Variants in KCND2 observed in about 807,000 individuals in gnomAD.
The protein encoded by KCND2 is potassium voltage-gated channel subfamily D member 2.
A neutral mutation model predicts 54.4 loss-of-function variants in KCND2; 16 were observed. That is an observed-to-expected ratio of 0.29 (90% confidence interval 0.20 to 0.45). KCND2 has a LOEUF of 0.45. Among genes scored for constraint, KCND2 ranks in the 20% least tolerant of loss-of-function variants. The probability of loss-of-function intolerance (pLI) is 1.00; values close to 1 mark genes in which losing one functional copy is unlikely to be tolerated. For missense variants in KCND2, 486 were observed against 824.2 expected (o/e 0.59, Z 5.02); for synonymous variants, 317 against 310.7 (o/e 1.02, Z -0.21).
intron 1 of KCND2, among the ~76,000 whole-genome samples, chr7:120,732,002 T>C (rs1013646081): frequency 1.3e-5 from 2 of 152,106 alleles, no homozygotes; most frequent in African/African-American, 4.8e-5. Flanking sequence ...CTCTTAGGCA[T>C]CCAGGGGTAG....
intron 1 of KCND2, among the ~76,000 whole-genome samples, chr7:120,356,343 G>C (rs186996590): frequency 8.5e-5 from 13 of 152,140 alleles, no homozygotes; most frequent in Admixed American, 6.6e-4. Context: ...GTAAACTATA[G>C]TTACACTGCT....
At chr7:120,427,125 G>A (rs552845719) in intron 1 of KCND2, among the ~76,000 whole-genome samples, 4 of 152,232 alleles carry the variant, frequency 2.6e-5, no homozygotes, top group East Asian at 3.9e-4. Context: ...AGTGTTTCTC[G>A]TTGTCTTCCT....
chr7:120,409,358 T>G (rs1801414041), intron 1 of KCND2, among the ~76,000 whole-genome samples: 1 of 151,986 alleles, frequency 6.6e-6, no homozygotes, highest in South Asian at 2.1e-4. Context: ...ATACTATGGC[T>G]CTATGAACAT....
At chr7:120,655,360 G>A (rs761040272) in intron 1 of KCND2, among the ~76,000 whole-genome samples, 5 of 152,124 alleles carry the variant, frequency 3.3e-5, no homozygotes, top group Non-Finnish European at 5.9e-5. Flanking sequence ...CCCTTGGGAT[G>A]CCAGCAGTAA....
At chr7:120,291,058 G>A (rs1799428711) in intron 1 of KCND2, among the ~76,000 whole-genome samples, 1 of 151,926 alleles carries the variant, frequency 6.6e-6, no homozygotes, top group Non-Finnish European at 1.5e-5. Flanking sequence ...TGCTATGAAT[G>A]GATTTGAAAG....
intron 1 of KCND2, among the ~76,000 whole-genome samples, chr7:120,337,754 A>G (rs983835437): frequency 5.9e-5 from 9 of 152,216 alleles, no homozygotes; most frequent in African/African-American, 1.7e-4. Flanking sequence ...ATAACTGATT[A>G]TTCGTTTACA....
intron 1 of KCND2, among the ~76,000 whole-genome samples, chr7:120,633,552 A>G (rs1276035546): frequency 6.6e-6 from 1 of 152,218 alleles, no homozygotes; most frequent in Non-Finnish European, 1.5e-5. Flanking sequence ...AGCCAAATTT[A>G]ATCACATATT....
chr7:120,604,367 C>A (rs1385608277), intron 1 of KCND2, among the ~76,000 whole-genome samples: 1 of 148,692 alleles, frequency 6.7e-6, no homozygotes, highest in Non-Finnish European at 1.5e-5. Flanking sequence ...AAGGAAGTAG[C>A]TGGGCAAGTA....
At chr7:120,541,145 A>T (rs1791975130) in intron 1 of KCND2, among the ~76,000 whole-genome samples, 2 of 152,188 alleles carry the variant, frequency 1.3e-5, no homozygotes, top group African/African-American at 4.8e-5. Flanking sequence ...AGTCCCTGTT[A>T]TTAGATTCAA....
chr7:120,379,022 G>A (rs1446347119), intron 1 of KCND2, among the ~76,000 whole-genome samples: 2 of 152,000 alleles, frequency 1.3e-5, no homozygotes, highest in South Asian at 2.1e-4. Context: ...GTTATTTAAA[G>A]GCAGACAGAT....
chr7:120,702,888 G>A (rs560479718), intron 1 of KCND2, among the ~76,000 whole-genome samples: 1 of 152,092 alleles, frequency 6.6e-6, no homozygotes, highest in African/African-American at 2.4e-5. Flanking sequence ...CCCGTCACAG[G>A]TTTACCTATA....
At chr7:120,491,888 A>G (rs1027422627) in intron 1 of KCND2, among the ~76,000 whole-genome samples, 4 of 152,114 alleles carry the variant, frequency 2.6e-5, no homozygotes, top group African/African-American at 9.7e-5. Context: ...AGATATCTAG[A>G]ATGTAAAGAG....
At chr7:120,344,325 T>C (rs1457831450) in intron 1 of KCND2, among the ~76,000 whole-genome samples, 1 of 152,178 alleles carries the variant, frequency 6.6e-6, no homozygotes, top group African/African-American at 2.4e-5. Context: ...AGAACAGATA[T>C]TGTAGTAATG....
At position 120,695,501 on chromosome 7, in the gene KCND2, A is replaced by G. The variant is rs544961814; in HGVS notation, c.1116-37402A>G. Among the ~76,000 whole-genome samples, 4 of 152,318 alleles carry G rather than the reference A, an allele frequency of 2.6e-5. No individual in the cohort carries two copies. The East Asian group carries it at 7.7e-4, about 29-fold the overall frequency. ...TTGTCACATAAGCTGGTTGTCTACT[A>G]TAATATCTGATGCTTTTTAAGAAGG... On this transcript the variant is annotated intron_variant, in intron 1 of 5. Coordinates refer to ENST00000331113, the MANE Select transcript of KCND2 (RefSeq NM_012281.3).
chr7:120,584,817 A>C (rs533878127), intron 1 of KCND2, among the ~76,000 whole-genome samples: 1 of 152,398 alleles, frequency 6.6e-6, no homozygotes, highest in African/African-American at 2.4e-5. Context: ...GTTAAAGCAA[A>C]AAAAATCATA....
chr7:120,698,933 T>C (rs1267028406), intron 1 of KCND2, among the ~76,000 whole-genome samples: 4 of 152,208 alleles, frequency 2.6e-5, no homozygotes, highest in African/African-American at 4.8e-5. Flanking sequence ...ATTTAACTTA[T>C]TAAAACAGGA....
intron 1 of KCND2, among the ~76,000 whole-genome samples, chr7:120,624,360 C>G (rs925869381): frequency 2.6e-5 from 4 of 152,156 alleles, no homozygotes; most frequent in Non-Finnish European, 4.4e-5. Flanking sequence ...TAGCCATCTC[C>G]AGACTTTTCA....
rs190526852 is a variant in KCND2 at position 120,438,514 on chromosome 7, A to G, written c.1115+162767A>G. Among the ~76,000 whole-genome samples the G allele has an allele frequency of 2.6e-5, 4 of 152,296 alleles. No homozygotes were observed. In the East Asian group the frequency reaches 7.7e-4, roughly 29 times the overall value. On this transcript the variant is annotated intron_variant, in intron 1 of 5. Coordinates refer to ENST00000331113, the MANE Select transcript of KCND2 (RefSeq NM_012281.3). ...TAACTAATAGTAAATAGATTGATAG[A>G]TATATGGGATGGATAGATAGATGGA... is the stretch of plus-strand genomic sequence containing the variant.
chr7:120,523,196 C>G (rs532014051), intron 1 of KCND2, among the ~76,000 whole-genome samples: 24 of 152,264 alleles, frequency 1.6e-4, no homozygotes, highest in Non-Finnish European at 3.5e-4. Flanking sequence ...TGTTTAGACA[C>G]TAACTTCATT....
Sources: allele counts gnomAD v4.1 joint callset (sites outside exome capture counted in the v4.1 genomes callset), GRCh38; gene constraint gnomAD v4.1.1; transcripts MANE v1.5; gene names NCBI Gene and HGNC (gene_info 2026-07-23, HGNC 2026-07-21).